WASHC2A: variants seen among roughly 807,000 people sequenced by gnomAD.
The protein encoded by WASHC2A is WASH complex subunit FAM21A.
A neutral mutation model predicts 140.3 loss-of-function variants in WASHC2A; 82 were observed. That is an observed-to-expected ratio of 0.58 (90% CI 0.49 to 0.70). The LOEUF (loss-of-function observed/expected upper bound fraction) is 0.70, where lower values mean the gene tolerates loss of function less well. WASHC2A is among the 30% of genes least tolerant of loss of function. WASHC2A has a pLI of 0.00. For synonymous variants in WASHC2A, 340 were observed against 560.8 expected (o/e 0.61, Z 5.56); for missense variants, 985 against 1,521.8 (o/e 0.65, Z 5.87).
chr10:50,072,587 C>T lies in WASHC2A; in HGVS notation c.291+2876C>T, dbSNP rs577910094. 3.8e-3 allele frequency among the ~76,000 whole-genome samples: 546 copies of T among 144,778 alleles called. 6 individuals carry two copies. The highest frequency in any genetic ancestry group is 0.025 in the Admixed American group (347 of 13,900). 95.0% of individuals were successfully genotyped at this position (144,778 alleles called of 152,430 possible). A position where few individuals can be genotyped will look rare whatever the true frequency, so the allele number is the denominator to read the frequency against. On this transcript the variant is annotated intron_variant, in intron 3 of 30. Transcript: ENST00000282633. ...CTGCAAGCTCTACCTCCCGGGTTCA[C>T]GCCATTCTCCTGACTCAGCCTCCTG...
chr10:50,074,596 T>A (rs1753426796), intron 3 of WASHC2A, among the ~76,000 whole-genome samples: 1 of 152,038 alleles, frequency 6.6e-6, no homozygotes, highest in Non-Finnish European at 1.5e-5. Flanking sequence ...CTAAGTCCAT[T>A]TCCCATGCAG....
chr10:50,068,602 A>G (rs1219940259), intron 2 of WASHC2A, among the ~76,000 whole-genome samples: 2 of 151,062 alleles, frequency 1.3e-5, no homozygotes, highest in Non-Finnish European at 3.0e-5. Flanking sequence ...GGATTTTTCA[A>G]ATCGGGGGCC....
At chr10:50,130,620 A>C (rs1310646708) in intron 29 of WASHC2A, among the ~76,000 whole-genome samples, 1 of 152,216 alleles carries the variant, frequency 6.6e-6, no homozygotes, top group Non-Finnish European at 1.5e-5. Context: ...AGTGTCATGA[A>C]GAAAATAACC....
chr10:50,110,894 A>C (rs1842236375), intron 20 of WASHC2A, among the ~76,000 whole-genome samples: 1 of 78,224 alleles, frequency 1.3e-5, no homozygotes, highest in Non-Finnish European at 2.5e-5. Context: ...CTCCATCTCA[A>C]AAAAAAAAAA....
intron 2 of WASHC2A, 60 bp downstream of exon 2, chr10:50,068,287 G>T (rs1320872071): frequency 2.0e-6 from 3 of 1,476,476 alleles, no homozygotes; most frequent in Non-Finnish European, 1.8e-6. Flanking sequence ...TTGCGCGCAG[G>T]AGGGCCGGAC....
At position 50,106,353 on chromosome 10, in the gene WASHC2A, C is replaced by T. The variant is rs1841779446; in HGVS notation, c.1757C>T (p.Thr586Ile). The T allele has an allele frequency of 1.2e-6, 2 of 1,611,880 alleles. No homozygotes were observed. The highest frequency in any genetic ancestry group is 1.1e-5 in the South Asian group (1 of 90,982). The change falls in exon 19 of 31, where the codon ACA becomes ATA. Residue 586 changes from threonine to isoleucine, a missense_variant. By Grantham distance (89) the Thr-to-Ile change is moderately conservative. Coordinates refer to ENST00000282633, the MANE Select transcript of WASHC2A (RefSeq NM_001005751.3). The part of the protein sequence containing the change: ...EDEEDNLFGG[T>I]AAKKQTLCLQ... Reference sequence around the variant, plus strand: ...TTCTAGGATAATCTTTTTGGGGGTACAGCTGCTAAGAAGCAGACATTGTGT... The same window carrying T: ...TTCTAGGATAATCTTTTTGGGGGTATAGCTGCTAAGAAGCAGACATTGTGT...
rs1290571531 is a variant in WASHC2A at position 50,097,808 on chromosome 10, C to G, written c.1548+6C>G. On this transcript the variant is annotated splice_donor_region_variant and intron_variant, in intron 16 of 30. Coordinates refer to ENST00000282633, the MANE Select transcript of WASHC2A (RefSeq NM_001005751.3). ...AAGCAAGAGCAGAAAAAAAGGTGAGCAGGAGGGAAGACTTAACGCAGGAGC... is the reference window on the plus strand; with the variant it reads ...AAGCAAGAGCAGAAAAAAAGGTGAGGAGGAGGGAAGACTTAACGCAGGAGC... The G allele has an allele frequency of 5.0e-6, 8 of 1,610,290 alleles. No homozygotes were observed. In the African/African-American group the frequency reaches 1.1e-4, roughly 22 times the overall value.
At chr10:50,100,135 G>C in intron 17 of WASHC2A, 71 bp downstream of exon 17, 1 of 1,386,126 alleles carries the variant, frequency 7.2e-7, no homozygotes, top group Non-Finnish European at 1.0e-6. Flanking sequence ...TTTGAATCAG[G>C]TTTTTCTCAA....
At chr10:50,102,351 AGGTAAT>A (rs1182281991) in intron 17 of WASHC2A, among the ~76,000 whole-genome samples, 2 of 152,100 alleles carry the variant, frequency 1.3e-5, no homozygotes, top group African/African-American at 4.8e-5. Flanking sequence ...AACATATTTG[AGGTAAT>A]GGAAGTGTCT....
At chr10:50,094,532 T>C (rs1364283979) in intron 13 of WASHC2A, among the ~76,000 whole-genome samples, 62 of 152,276 alleles carry the variant, frequency 4.1e-4, no homozygotes, top group African/African-American at 1.4e-3. Flanking sequence ...TGTTACTCCA[T>C]AGGTTTGTGG....
intron 8 of WASHC2A, among the ~76,000 whole-genome samples, chr10:50,090,366 G>A (rs879005916): frequency 6.6e-6 from 1 of 150,520 alleles, no homozygotes; most frequent in Non-Finnish European, 1.5e-5. Flanking sequence ...TGCTGGGCGT[G>A]GTGGTGCATG....
chr10:50,090,641 A>C (rs1839848037), intron 8 of WASHC2A, 135 bp from the exon 9 acceptor site: 1 of 692,140 alleles, frequency 1.4e-6, no homozygotes, highest in African/African-American at 1.9e-5. Context: ...CTTTTGCTTC[A>C]TAACTTGCTG....
chr10:50,075,677 C>T (rs2610490), intron 3 of WASHC2A, among the ~76,000 whole-genome samples: 14,699 of 134,394 alleles, frequency 0.11, 999 homozygotes, highest in Middle Eastern at 0.15. Flanking sequence ...TATGTATGAA[C>T]GTTTGTGTGT....
intron 3 of WASHC2A, among the ~76,000 whole-genome samples, chr10:50,077,012 G>GA (rs1251173349): frequency 6.6e-6 from 1 of 151,800 alleles, no homozygotes; most frequent in Non-Finnish European, 1.5e-5. Flanking sequence ...AGCTACTCGG[G>GA]AGGCTGAGGC....
chr10:50,071,977 C>T (rs1488819407), intron 3 of WASHC2A, among the ~76,000 whole-genome samples: 1 of 138,144 alleles, frequency 7.2e-6, no homozygotes, highest in Non-Finnish European at 1.6e-5. Context: ...GACACCATCT[C>T]GGCTCACTGC....
At chr10:50,094,794 A>G (rs1589205925) in intron 13 of WASHC2A, among the ~76,000 whole-genome samples, 1 of 150,850 alleles carries the variant, frequency 6.6e-6, no homozygotes, top group Middle Eastern at 3.4e-3. Flanking sequence ...TTCTCATCCA[A>G]CTGGAATGGG....
At chr10:50,079,679 G>A (rs1222674186) in intron 4 of WASHC2A, among the ~76,000 whole-genome samples, 1 of 152,244 alleles carries the variant, frequency 6.6e-6, no homozygotes, top group African/African-American at 2.4e-5. Context: ...GATTACAGGC[G>A]TGAGCTACTG....
intron 21 of WASHC2A, among the ~76,000 whole-genome samples, chr10:50,116,680 C>T (rs1419724372): frequency 1.3e-5 from 2 of 151,644 alleles, no homozygotes; most frequent in Non-Finnish European, 1.5e-5. Context: ...CCTTTGATTA[C>T]TTCAGTGTTG....
chr10:50,100,312 T>C (rs1286364888), intron 17 of WASHC2A, among the ~76,000 whole-genome samples: 1 of 151,592 alleles, frequency 6.6e-6, no homozygotes, highest in Non-Finnish European at 1.5e-5. Flanking sequence ...TGAAACCCAG[T>C]CTCTATTAAA....
Sources: gnomAD v4.1 joint callset for allele counts (sites outside exome capture counted in the v4.1 genomes callset) on GRCh38, gnomAD v4.1.1 for gene constraint, MANE v1.5 for transcripts, NCBI Gene and HGNC (gene_info 2026-07-23, HGNC 2026-07-21) for gene names.